The following RNF40 variants were observed in gnomAD, a reference collection of about 807,000 sequenced individuals.
RNF40 encodes the protein ring finger protein 40.
In RNF40, 39 loss-of-function variants were observed where a neutral mutation model predicts 123.3. That is an observed-to-expected ratio of 0.32 (90% CI 0.24 to 0.41). The LOEUF is 0.41. Ranked by LOEUF, RNF40 falls within the 10% of genes least tolerant of loss-of-function variation. RNF40 has a pLI of 1.00. For synonymous variants in RNF40, 538 were observed against 526.0 expected (o/e 1.02, Z -0.31); for missense variants, 1,003 against 1,319.9 (o/e 0.76, Z 3.72).
intron 5 of RNF40, 56 bp downstream of exon 5, chr16:30,764,441 G>A: frequency 2.7e-6 from 4 of 1,464,934 alleles, no homozygotes; most frequent in Non-Finnish European, 3.8e-6. Context: ...CATCTTGATG[G>A]CACCCCTTCC....
chr16:30,765,298 A>G lies in RNF40; in HGVS notation c.889A>G (p.Asn297Asp). Reference sequence around the variant, plus strand: ...GCTGCGGAAGCGAGAGCAAAAGCTCAATAAGCACCTGGCAGAGGCCTTAGA... The same window carrying G: ...GCTGCGGAAGCGAGAGCAAAAGCTCGATAAGCACCTGGCAGAGGCCTTAGA... Reference protein sequence around the residue: ...EKLRKREQKLNKHLAEALEQL... With the variant: ...EKLRKREQKLDKHLAEALEQL... The change falls in exon 7 of 20, where the codon AAT becomes GAT. Residue 297 changes from asparagine (N) to aspartate (D), a missense_variant. Transcript: ENST00000324685. The G allele has an allele frequency of 6.2e-7, 1 of 1,613,732 alleles. No individual in the cohort carries two copies. Among genetic ancestry groups the G allele is most frequent in the Non-Finnish European group, 8.5e-7 (1 of 1,179,572 alleles).
At chr16:30,762,284 G>T (rs3812999), upstream of RNF40, 145,611 of 453,178 alleles carry the variant, frequency 0.32, 30,553 homozygotes, top group South Asian at 0.68. Context: ...CGTTGGGGGG[G>T]GGGCAGTGGC....
In RNF40 at chr16:30,767,901, C is replaced by G; in HGVS notation, c.1437C>G (p.Ile479Met). 1 of 1,614,174 alleles carries G rather than the reference C, an allele frequency of 6.2e-7. No homozygotes were observed. Among genetic ancestry groups the G allele is most frequent in the Non-Finnish European group, 8.5e-7 (1 of 1,180,050 alleles). ...TTGCTGATGCTCCTCCAGGGCCCATCAACCGTGAGATGCGCCACCTGATTA... is the reference window on the plus strand; with the variant it reads ...TTGCTGATGCTCCTCCAGGGCCCATGAACCGTGAGATGCGCCACCTGATTA... ...NLAANEQAGP[I>M]NREMRHLISS... The change falls in exon 12 of 20, where the codon ATC becomes ATG. Residue 479 changes from isoleucine (I) to methionine (M), a missense_variant. Physicochemically the swap from Ile to Met is conservative, Grantham distance 10. This residue lies in a region of RNF40 where 30 missense variants were observed against 68.9 expected (regional missense o/e 0.44). Coordinates refer to ENST00000324685, the MANE Select transcript of RNF40 (RefSeq NM_014771.4).
At position 30,769,537 on chromosome 16, in the gene RNF40, C is replaced by T. The variant is rs372670313; in HGVS notation, c.2523C>T (p.Ser841=). ...AGAAGGAGCGAGCCTTGCAGGGCAGCCTCGGGGGTGTGGAGAAGGAGCTGA... is the reference window on the plus strand; with the variant it reads ...AGAAGGAGCGAGCCTTGCAGGGCAGTCTCGGGGGTGTGGAGAAGGAGCTGA... ...LEEKERALQG[S]LGGVEKELTL... Residue 841 remains serine (S), a synonymous_variant, in exon 17 of 20, where the codon AGC becomes AGT. Coordinates refer to ENST00000324685, the MANE Select transcript of RNF40 (RefSeq NM_014771.4). 1.9e-6 allele frequency: 3 copies of T among 1,612,308 alleles called. No homozygotes were observed. Among genetic ancestry groups the T allele is most frequent in the African/African-American group, 2.7e-5 (2 of 74,870 alleles).
chr16:30,762,392 C>T (rs959564504), intron 1 of RNF40, 32 bp downstream of exon 1: 9 of 758,200 alleles, frequency 1.2e-5, no homozygotes, highest in Non-Finnish European at 1.8e-5. Flanking sequence ...GGGACGGGAT[C>T]CAGCAGGTGT....
chr16:30,774,234 C>T lies in RNF40; in HGVS notation c.*120C>T. 3.7e-6 allele frequency: 4 copies of T among 1,094,896 alleles called. No individual in the cohort carries two copies. The highest frequency in any genetic ancestry group is 5.1e-6 in the Non-Finnish European group (4 of 777,776). 67.8% of individuals were successfully genotyped at this position (1,094,896 alleles called of 1,614,324 possible). On this transcript the variant is annotated 3_prime_UTR_variant, in exon 20 of 20. Transcript: ENST00000324685. ...CCGGACCCCATGGGCCCAGCCCCTG[C>T]CCATCTAGTTGGTTTGGGGACCCTG...
chr16:30,773,910 C>A (rs2054190670), intron 19 of RNF40, 28 bp from the exon 20 acceptor site: 1 of 1,596,166 alleles, frequency 6.3e-7, no homozygotes, highest in Non-Finnish European at 8.6e-7. Context: ...CAGAGTTGTT[C>A]CCAAGCTGAT....
chr16:30,773,861 T>C (rs1315617154), intron 19 of RNF40, 77 bp from the exon 20 acceptor site: 2 of 1,482,080 alleles, frequency 1.3e-6, no homozygotes, highest in Admixed American at 3.7e-5. Flanking sequence ...GGGCTTGGCC[T>C]GGACTCCTCC....
Position 30,768,140 on chromosome 16 carries a change from C to A in RNF40, c.1589C>A (p.Pro530His). The A allele has an allele frequency of 6.2e-7, 1 of 1,607,336 alleles. No individual in the cohort carries two copies. The highest frequency in any genetic ancestry group is 8.5e-7 in the Non-Finnish European group (1 of 1,176,258). The part of the protein sequence containing the change: ...AQASGSAHST[P>H]NLGHPEDSGV... ...GCCAGTGGCTCTGCCCACTCCACCC[C>A]CAACCTGGGCCACCCAGAGGATTCT... Residue 530 changes from proline to histidine, a missense_variant, in exon 13 of 20, where the codon CCC becomes CAC. Around this residue, in one of 11 missense-constraint regions of RNF40, gnomAD observed 295 missense variants for 331.7 expected, o/e 0.89. Transcript: ENST00000324685. This position sits in a 1 kb window ranked among gnomAD's most constrained non-coding sequence, Gnocchi z 4.1.
intron 19 of RNF40, chr16:30,773,622 C>T (rs765732898): frequency 4.1e-5 from 11 of 269,816 alleles, no homozygotes; most frequent in South Asian, 2.7e-4. Flanking sequence ...TCACCAGAGG[C>T]GGCCAGTGGG....
intron 19 of RNF40, chr16:30,772,398 AACTGGCCCTGGTCTCTG>A (rs1247896261): frequency 1.5e-6 from 1 of 646,840 alleles, no homozygotes. Context: ...GGAGGCTAGG[AACTGGCCCTGGTCTCTG>A]ACTTCTTGAA....
Position 30,775,169 on chromosome 16 carries a change from A to G in RNF40, c.*1055A>G, listed in dbSNP as rs2054211737. On this transcript the variant is annotated 3_prime_UTR_variant, in exon 20 of 20. Coordinates refer to ENST00000324685, the MANE Select transcript of RNF40 (RefSeq NM_014771.4). ...ATAGGCTGTTAATTGTGATGAATAAACGTTCAACCCTCGGCCTGCAGCCAG... is the reference window on the plus strand; with the variant it reads ...ATAGGCTGTTAATTGTGATGAATAAGCGTTCAACCCTCGGCCTGCAGCCAG... 1 of 363,060 alleles carries G rather than the reference A, an allele frequency of 2.8e-6. No individual in the cohort carries two copies. Among genetic ancestry groups the G allele is most frequent in the Admixed American group, 3.6e-5 (1 of 28,106 alleles). The allele number at this position is 363,060 out of a possible 1,614,324, so 22.5% of individuals were successfully genotyped here. A position where few individuals can be genotyped will look rare whatever the true frequency, so the allele number is the denominator to read the frequency against.
Position 30,765,001 on chromosome 16 carries a change from G to A in RNF40, c.713G>A (p.Arg238Gln), listed in dbSNP as rs1279923790. Residue 238 changes from arginine to glutamine, a missense_variant, in exon 6 of 20, where the codon CGG becomes CAG. By Grantham distance (43) the Arg-to-Gln change is conservative. Coordinates refer to ENST00000324685, the MANE Select transcript of RNF40 (RefSeq NM_014771.4). ...ACCCGAGAGCTGGGCCGTGAGAACC[G>A]GCGACTGCAGGACTTGGCCACTCAG... ...AHTRELGREN[R>Q]RLQDLATQLQ... The A allele has an allele frequency of 6.2e-6, 10 of 1,613,670 alleles. No individual in the cohort carries two copies. Among genetic ancestry groups the A allele is most frequent in the East Asian group, 4.5e-5 (2 of 44,890 alleles).
rs2054086323 is a variant in RNF40 at position 30,768,689 on chromosome 16, C to T, written c.2050C>T (p.Arg684Trp). The part of the protein sequence containing the change: ...DMYKSAPKEQ[R>W]DKVQLMAAER... ...GTACAAGTCAGCGCCCAAGGAGCAG[C>T]GGGATAAGGTGCAGCTCATGGCAGC... The change falls in exon 14 of 20, where the codon CGG (arginine) becomes TGG (tryptophan). Residue 684 changes from arginine (R) to tryptophan (W), a missense_variant. Arg to Trp is a moderately radical substitution (Grantham distance 101, BLOSUM62 -3). This residue lies in a region of RNF40 where 295 missense variants were observed against 331.7 expected (regional missense o/e 0.89). Transcript: ENST00000324685. The surrounding 1 kb of genome is among the most constrained non-coding windows in gnomAD (Gnocchi z 4.1). 6 of 1,613,978 alleles carry T rather than the reference C, an allele frequency of 3.7e-6. No individual in the cohort carries two copies. The highest frequency in any genetic ancestry group is 1.1e-5 in the South Asian group (1 of 91,092).
At chr16:30,762,201 T>G, upstream of RNF40, 1 of 331,234 alleles carries the variant, frequency 3.0e-6, no homozygotes, top group Non-Finnish European at 5.5e-6. Flanking sequence ...GGACCAAGCG[T>G]AACCAATAGA....
rs4889506 is a variant in RNF40, at chr16:30,769,507, A to G, written c.2493A>G (p.Leu831=). 1 allele frequency: 1,608,156 copies of G among 1,613,956 alleles called. 801,362 individuals carry two copies. The highest frequency in any genetic ancestry group is 1 in the East Asian group (44,854 of 44,854). The change falls in exon 17 of 20, where the codon CTA becomes CTG. Residue 831 remains leucine (L), a synonymous_variant. Coordinates refer to ENST00000324685, the MANE Select transcript of RNF40 (RefSeq NM_014771.4). ...CCCAGCTGCTGACTGTGCAGAAGCT[A>G]GAGGAGAAGGAGCGAGCCTTGCAGG... ...VDAQLLTVQK[L]EEKERALQGS... is the part of the protein sequence containing the mutation.
rs569088405 is a variant in RNF40 at position 30,768,414 on chromosome 16, C to T, written c.1863C>T (p.Ser621=). 71 of 1,613,800 alleles carry T rather than the reference C, an allele frequency of 4.4e-5. No individual in the cohort carries two copies. In the South Asian group the frequency reaches 7.4e-4, roughly 17 times the overall value. ...KRELREREGP[S]LGPPPVASAL... ...AGCTTCGGGAACGGGAAGGTCCCAG[C>T]CTAGGACCTCCACCTGTAGCCTCCG... is the stretch of plus-strand genomic sequence containing the variant. The change falls in exon 13 of 20, where the codon AGC becomes AGT. Residue 621 remains serine (S), a synonymous_variant. Coordinates refer to ENST00000324685, the MANE Select transcript of RNF40 (RefSeq NM_014771.4). The surrounding 1 kb of genome is among the most constrained non-coding windows in gnomAD (Gnocchi z 4.1).
chr16:30,771,671 G>A (rs1306243069), intron 17 of RNF40, among the ~76,000 whole-genome samples, 162 bp from the exon 18 acceptor site: 1 of 152,116 alleles, frequency 6.6e-6, no homozygotes, highest in African/African-American at 2.4e-5. Flanking sequence ...GGAGGAACTG[G>A]AGAGGGAGAA....
chr16:30,765,430 C>T lies in RNF40; in HGVS notation c.924C>T (p.Asn308=). The T allele has an allele frequency of 6.2e-7, 1 of 1,614,244 alleles. No homozygotes were observed. The highest frequency in any genetic ancestry group is 2.2e-5 in the East Asian group (1 of 44,892). The part of the protein sequence containing the change: ...KHLAEALEQL[N]SGYYVSGSSS... ...TGTCTGTTTTCTCTCCACAGCTTAACTCTGGCTACTATGTATCTGGGAGCT... is the reference window on the plus strand; with the variant it reads ...TGTCTGTTTTCTCTCCACAGCTTAATTCTGGCTACTATGTATCTGGGAGCT... Residue 308 remains asparagine (N), a synonymous_variant, in exon 8 of 20, where the codon AAC becomes AAT. Transcript: ENST00000324685.
Sources: gnomAD v4.1 joint callset for allele counts (sites outside exome capture counted in the v4.1 genomes callset) on GRCh38, gnomAD v4.1.1 for gene constraint, gnomAD v4.1.1 regional missense constraint, Gnocchi (gnomAD v3.1) non-coding constraint, MANE v1.5 for transcripts, NCBI Gene and HGNC (gene_info 2026-07-23, HGNC 2026-07-21) for gene names.